GATAD2B: variants seen among roughly 807,000 people sequenced by gnomAD.
The protein encoded by GATAD2B is transcriptional repressor p66-beta.
GATAD2B carries 8 observed loss-of-function variants against 64.3 expected under a neutral mutation model. The observed-to-expected ratio is 0.12, with a 90% CI of 0.07 to 0.22. The LOEUF (loss-of-function observed/expected upper bound fraction) is 0.22. Among genes scored for constraint, GATAD2B ranks in the 10% least tolerant of loss-of-function variants. The pLI is 1.00. For synonymous variants in GATAD2B, 281 were observed against 271.3 expected (o/e 1.04, Z -0.35); for missense variants, 453 against 752.0 (o/e 0.60, Z 4.65).
rs949002423 is a variant in GATAD2B, at chr1:153,850,082, A to C, written c.-1-21734T>G. On this transcript the variant is annotated intron_variant, in intron 1 of 10. Coordinates refer to ENST00000368655, the MANE Select transcript of GATAD2B (RefSeq NM_020699.4). ...CACTTTTGATTATGAGCCTTGTCAC[A>C]ATCAAGTGGGTTATTCAGTGGGATT... 5.9e-5 allele frequency among the ~76,000 whole-genome samples: 9 copies of C among 152,162 alleles called. No individual in the cohort carries two copies. The East Asian group carries it at 1.7e-3, about 29-fold the overall frequency.
intron 1 of GATAD2B, chr1:153,852,502 C>T (rs1268610791): frequency 1.3e-6 from 1 of 764,130 alleles, no homozygotes; most frequent in Non-Finnish European, 2.4e-6. Flanking sequence ...ATGTGCTCTG[C>T]ACAGTGGGAC....
chr1:153,884,257 G>A (rs1475292256), intron 1 of GATAD2B, among the ~76,000 whole-genome samples: 1 of 152,214 alleles, frequency 6.6e-6, no homozygotes, highest in Non-Finnish European at 1.5e-5. Flanking sequence ...TGGCTAACAC[G>A]GTGAAACCCG....
chr1:153,900,900 T>C (rs1376033051), intron 1 of GATAD2B, among the ~76,000 whole-genome samples: 2 of 151,962 alleles, frequency 1.3e-5, no homozygotes, highest in African/African-American at 4.8e-5. Flanking sequence ...ATCTCTTGAT[T>C]TTTTTTCAAT....
intron 1 of GATAD2B, among the ~76,000 whole-genome samples, chr1:153,889,871 T>C (rs2101948093): frequency 6.6e-6 from 1 of 152,176 alleles, no homozygotes; most frequent in South Asian, 2.1e-4. Flanking sequence ...ATCTACATTA[T>C]CAATAGAAAG....
At chr1:153,897,955 A>C (rs1216642195) in intron 1 of GATAD2B, among the ~76,000 whole-genome samples, 1 of 150,946 alleles carries the variant, frequency 6.6e-6, no homozygotes, top group Non-Finnish European at 1.5e-5. Flanking sequence ...AGACTGGCTC[A>C]AGCAACATAA....
rs186614483 is a variant in GATAD2B at position 153,825,713 on chromosome 1, C to T, written c.335+2300G>A. Among the ~76,000 whole-genome samples the T allele has an allele frequency of 2.0e-5, 3 of 152,166 alleles. No individual in the cohort carries two copies. The East Asian group carries it at 5.8e-4, about 29-fold the overall frequency. The stretch of plus-strand genomic sequence containing the variant: ...TGCTGGGATTACAGGTGTGAGCCAC[C>T]GCTTACTAAGAGTTTTTAATGTTAC... On this transcript the variant is annotated intron_variant, in intron 2 of 10. Coordinates refer to ENST00000368655, the MANE Select transcript of GATAD2B (RefSeq NM_020699.4).
chr1:153,912,669 T>C (rs1678139127), intron 1 of GATAD2B, among the ~76,000 whole-genome samples: 1 of 152,168 alleles, frequency 6.6e-6, no homozygotes, highest in Non-Finnish European at 1.5e-5. Context: ...AAACCACCCC[T>C]CCTTAAAAAA....
intron 1 of GATAD2B, among the ~76,000 whole-genome samples, chr1:153,882,851 A>C (rs1373479252): frequency 6.6e-6 from 1 of 152,164 alleles, no homozygotes; most frequent in Non-Finnish European, 1.5e-5. Flanking sequence ...ATCATTTTAT[A>C]AGGACTTTTC....
chr1:153,807,857 G>A lies in GATAD2B; in HGVS notation c.*2320C>T, dbSNP rs1013790874. On this transcript the variant is annotated 3_prime_UTR_variant, in exon 11 of 11. Coordinates refer to ENST00000368655, the MANE Select transcript of GATAD2B (RefSeq NM_020699.4). ...CTCTGAGCACCTCTGAGCTTGGGGA[G>A]AGGGAGACGTAACAGAAATGGCACT... is the stretch of plus-strand genomic sequence containing the variant. 1.3e-5 allele frequency: 2 copies of A among 152,564 alleles called. No homozygotes were observed. The highest frequency in any genetic ancestry group is 1.3e-4 in the Admixed American group (2 of 15,264). 9.5% of individuals were successfully genotyped at this position (152,564 alleles called of 1,614,324 possible).
chr1:153,810,081 G>T lies in GATAD2B; in HGVS notation c.*96C>A, dbSNP rs936914934. 1.7e-6 allele frequency: 2 copies of T among 1,186,692 alleles called. No homozygotes were observed. Among genetic ancestry groups the T allele is most frequent in the Non-Finnish European group, 2.4e-6 (2 of 848,014 alleles). The allele number at this position is 1,186,692 out of a possible 1,614,324, so 73.5% of individuals were successfully genotyped here. On this transcript the variant is annotated 3_prime_UTR_variant, in exon 11 of 11. Coordinates refer to ENST00000368655, the MANE Select transcript of GATAD2B (RefSeq NM_020699.4). ...CTGTTTTGCTTTCCGTGTATGGTAG[G>T]CACCAGTACAGGCACTGCATGCGAC...
At chr1:153,868,893 C>T (rs1676565589) in intron 1 of GATAD2B, among the ~76,000 whole-genome samples, 1 of 152,028 alleles carries the variant, frequency 6.6e-6, no homozygotes, top group Non-Finnish European at 1.5e-5. Flanking sequence ...CACCATCACA[C>T]CTGGCTAGTT....
intron 1 of GATAD2B, among the ~76,000 whole-genome samples, chr1:153,908,050 G>A (rs934631017): frequency 1.3e-5 from 2 of 152,186 alleles, no homozygotes; most frequent in Admixed American, 1.3e-4. Context: ...TGATCTGCCT[G>A]CCTTGGCCTC....
chr1:153,883,658 A>G (rs545333949), intron 1 of GATAD2B, among the ~76,000 whole-genome samples: 2 of 151,736 alleles, frequency 1.3e-5, no homozygotes, highest in Non-Finnish European at 2.9e-5. Context: ...CCATTCAAAG[A>G]TAATTCCCAC....
intron 1 of GATAD2B, among the ~76,000 whole-genome samples, chr1:153,878,741 A>G (rs973313049): frequency 3.4e-5 from 5 of 148,180 alleles, no homozygotes; most frequent in Non-Finnish European, 7.5e-5. Context: ...CTCACATAAA[A>G]CCAACTGTAA....
chr1:153,819,069 T>G (rs1674583306), intron 3 of GATAD2B, 147 bp from the exon 4 acceptor site: 4 of 748,006 alleles, frequency 5.3e-6, no homozygotes, highest in Non-Finnish European at 8.5e-6. Flanking sequence ...ATCACTGGAG[T>G]CTGGCACAGT....
intron 1 of GATAD2B, among the ~76,000 whole-genome samples, chr1:153,833,401 C>T (rs1039711440): frequency 6.6e-6 from 1 of 152,170 alleles, no homozygotes; most frequent in Non-Finnish European, 1.5e-5. Context: ...TGACAATGCA[C>T]CCAGTCACCA....
At chr1:153,907,737 C>T (rs1677992412) in intron 1 of GATAD2B, among the ~76,000 whole-genome samples, 1 of 151,220 alleles carries the variant, frequency 6.6e-6, no homozygotes, top group African/African-American at 2.4e-5. Context: ...CTCCCAGGTA[C>T]AAGCAATTCT....
chr1:153,814,157 A>G (rs1044411657), intron 7 of GATAD2B, among the ~76,000 whole-genome samples: 31 of 152,368 alleles, frequency 2.0e-4, no homozygotes, highest in African/African-American at 7.2e-4. Context: ...TATCCCTGTC[A>G]TATACATTTA....
At chr1:153,870,166 G>C (rs147372792) in intron 1 of GATAD2B, among the ~76,000 whole-genome samples, 2,701 of 152,176 alleles carry the variant, frequency 0.018, 87 homozygotes, top group African/African-American at 0.063. Context: ...GGCCAGGCTG[G>C]TCTCGAACTC....
Sources: gnomAD v4.1 joint callset for allele counts (sites outside exome capture counted in the v4.1 genomes callset) on GRCh38, gnomAD v4.1.1 for gene constraint, MANE v1.5 for transcripts, NCBI Gene and HGNC (gene_info 2026-07-23, HGNC 2026-07-21) for gene names.